Variants in NCAM1 observed in about 807,000 individuals in gnomAD.
The protein encoded by NCAM1 is neural cell adhesion molecule 1.
In NCAM1, 14 loss-of-function variants were observed where a neutral mutation model predicts 109.8. The ratio of observed to expected loss-of-function variants is 0.13; its 90% CI spans 0.08 to 0.20. NCAM1 has a LOEUF of 0.20. NCAM1 is among the 10% of genes least tolerant of loss of function. The probability of loss-of-function intolerance (pLI) is 1.00; values close to 1 mark genes in which losing one functional copy is unlikely to be tolerated. For synonymous variants in NCAM1, 418 were observed against 442.9 expected (o/e 0.94, Z 0.70); for missense variants, 774 against 1,109.9 (o/e 0.70, Z 4.30).
intron 1 of NCAM1, among the ~76,000 whole-genome samples, chr11:113,007,161 G>A (rs551763703): frequency 6.6e-6 from 1 of 152,204 alleles, no homozygotes; most frequent in South Asian, 2.1e-4. Flanking sequence ...CACATGAAGG[G>A]AGCAGGGGAA....
intron 1 of NCAM1, among the ~76,000 whole-genome samples, chr11:113,084,711 T>C (rs1938998866): frequency 6.6e-6 from 1 of 152,188 alleles, no homozygotes; most frequent in African/African-American, 2.4e-5. Context: ...ACTTTGGTGA[T>C]TTTAGAGACA....
At position 112,962,310 on chromosome 11, in the gene NCAM1, T is replaced by A. The variant is rs1759278600; in HGVS notation, c.52+646T>A. Among the ~76,000 whole-genome samples the A allele has an allele frequency of 6.6e-6, 1 of 152,186 alleles. No homozygotes were observed. Among genetic ancestry groups the A allele is most frequent in the Non-Finnish European group, 1.5e-5 (1 of 68,026 alleles). ...GACGTTAGTTTTTCATTTGCCAAAT[T>A]GCTGGTTAGTTGCAAAGCCTACCCT... is the stretch of plus-strand genomic sequence containing the variant. On this transcript the variant is annotated intron_variant, in intron 1 of 19. Transcript: ENST00000316851. The surrounding 1 kb of genome is among the most constrained non-coding windows in gnomAD (Gnocchi z 5.6).
chr11:113,198,561 C>T lies in NCAM1; in HGVS notation c.53-3818C>T, dbSNP rs187762124. 3.8e-3 allele frequency among the ~76,000 whole-genome samples: 583 copies of T among 152,002 alleles called. 5 individuals carry two copies. Among genetic ancestry groups the T allele is most frequent in the African/African-American group, 0.013 (556 of 41,454 alleles). On this transcript the variant is annotated intron_variant, in intron 1 of 19. Coordinates refer to ENST00000316851, the MANE Select transcript of NCAM1 (RefSeq NM_181351.5). ...TAATTTTTTGTACTTTTAGTAGAGA[C>T]GGGTCTCCTGACCTTGTGATCCGCC... is the stretch of plus-strand genomic sequence containing the variant.
intron 1 of NCAM1, among the ~76,000 whole-genome samples, chr11:113,105,792 T>C (rs1258410949): frequency 2.6e-5 from 4 of 152,052 alleles, no homozygotes; most frequent in Admixed American, 6.6e-5. Context: ...TGCTAAGAGG[T>C]GTGTTATGGG....
intron 1 of NCAM1, among the ~76,000 whole-genome samples, chr11:112,989,862 G>A (rs1413001532): frequency 5.3e-5 from 8 of 152,244 alleles, no homozygotes; most frequent in Non-Finnish European, 7.4e-5. Context: ...GTTCATCAAG[G>A]TTACCTTAAT....
At chr11:113,269,167 A>G (rs1946210716) in intron 17 of NCAM1, among the ~76,000 whole-genome samples, 2 of 152,022 alleles carry the variant, frequency 1.3e-5, no homozygotes, top group Admixed American at 1.3e-4. Flanking sequence ...GGTCCATCCC[A>G]GGCAACTAGT....
intron 1 of NCAM1, among the ~76,000 whole-genome samples, chr11:113,158,614 T>A (rs1942497815): frequency 6.6e-6 from 1 of 152,226 alleles, no homozygotes; most frequent in South Asian, 2.1e-4. Context: ...TTGTACAATG[T>A]CCTGGTTGCT....
intron 1 of NCAM1, among the ~76,000 whole-genome samples, chr11:113,125,590 T>G (rs187840585): frequency 6.6e-6 from 1 of 152,332 alleles, no homozygotes; most frequent in African/African-American, 2.4e-5. Context: ...CAGTGGCTTA[T>G]ACTACATTAG....
intron 1 of NCAM1, among the ~76,000 whole-genome samples, chr11:113,051,378 A>C (rs1029592383): frequency 1.3e-5 from 2 of 152,192 alleles, no homozygotes; most frequent in Non-Finnish European, 2.9e-5. Flanking sequence ...ATGTGAAATG[A>C]GGTGTTGGGT....
At chr11:113,101,220 T>G (rs1939860476) in intron 1 of NCAM1, among the ~76,000 whole-genome samples, 1 of 152,316 alleles carries the variant, frequency 6.6e-6, no homozygotes, top group African/African-American at 2.4e-5. Context: ...CAGTGTATTC[T>G]TTGGTGACCA....
At chr11:113,229,046 C>T (rs1277665552) in intron 9 of NCAM1, among the ~76,000 whole-genome samples, 2 of 152,150 alleles carry the variant, frequency 1.3e-5, no homozygotes, top group African/African-American at 2.4e-5. Flanking sequence ...GTCTAAAACA[C>T]CAAAAGCAAT....
chr11:113,053,652 A>G (rs1953589276), intron 1 of NCAM1, among the ~76,000 whole-genome samples: 1 of 152,204 alleles, frequency 6.6e-6, no homozygotes, highest in South Asian at 2.1e-4. Context: ...GGGGTTATAG[A>G]AAAAAATTTT....
chr11:113,121,047 C>T (rs879966281), intron 1 of NCAM1, among the ~76,000 whole-genome samples: 3 of 151,912 alleles, frequency 2.0e-5, no homozygotes, highest in South Asian at 2.1e-4. Flanking sequence ...TTCAGGGAAG[C>T]GATTGAAGGC....
chr11:113,161,621 A>T (rs1555104415), intron 1 of NCAM1, among the ~76,000 whole-genome samples: 1 of 152,234 alleles, frequency 6.6e-6, no homozygotes, highest in Non-Finnish European at 1.5e-5. Flanking sequence ...ACCACATAAA[A>T]TCCCCCTGCC....
intron 1 of NCAM1, among the ~76,000 whole-genome samples, chr11:113,181,311 G>A (rs1377132001): frequency 6.6e-6 from 1 of 152,200 alleles, no homozygotes; most frequent in African/African-American, 2.4e-5. Flanking sequence ...GCTTTGTTTG[G>A]TAGGATGCCG....
chr11:113,130,712 G>GT (rs1439658788), intron 1 of NCAM1: 1 of 152,170 alleles, frequency 6.6e-6, no homozygotes, highest in East Asian at 1.9e-4. Flanking sequence ...TAAATCATAA[G>GT]TCCTGGCTTC....
chr11:113,056,809 G>A (rs1953729010), intron 1 of NCAM1, among the ~76,000 whole-genome samples: 1 of 152,122 alleles, frequency 6.6e-6, no homozygotes, highest in South Asian at 2.1e-4. Flanking sequence ...CTGACCCACA[G>A]TAACTATAAT....
chr11:113,103,799 C>T (rs988025259), intron 1 of NCAM1, among the ~76,000 whole-genome samples: 7 of 152,046 alleles, frequency 4.6e-5, no homozygotes, highest in South Asian at 4.2e-4. Flanking sequence ...CTGAAGTAAC[C>T]GTGGGCGATA....
intron 1 of NCAM1, among the ~76,000 whole-genome samples, chr11:113,043,300 C>G (rs1207018094): frequency 6.6e-6 from 1 of 152,124 alleles, no homozygotes; most frequent in Non-Finnish European, 1.5e-5. Flanking sequence ...TCTGTCCCCT[C>G]TCCTGTGTCC....
Sources: allele counts gnomAD v4.1 joint callset (sites outside exome capture counted in the v4.1 genomes callset), GRCh38; gene constraint gnomAD v4.1.1; non-coding constraint Gnocchi (gnomAD v3.1); transcripts MANE v1.5; gene names NCBI Gene and HGNC (gene_info 2026-07-23, HGNC 2026-07-21).